The following CECR2 variants were observed in gnomAD, a reference collection of about 807,000 sequenced individuals.
CECR2 encodes CECR2 histone acetyl-lysine reader, also known as chromatin remodeling regulator CECR2.
In CECR2, 30 loss-of-function variants were observed where a neutral mutation model predicts 154.5. That is an observed-to-expected ratio of 0.19 (90% CI 0.15 to 0.26). CECR2 has a LOEUF of 0.26. Among genes scored for constraint, CECR2 ranks in the 10% least tolerant of loss-of-function variants. The pLI is 1.00. For missense variants in CECR2, 1,743 were observed against 1,829.3 expected, an observed-to-expected ratio of 0.95 and a Z score of 0.86; for synonymous variants, 725 against 683.7, an observed-to-expected ratio of 1.06 and a Z score of -0.94.
At chr22:17,430,139 C>T (rs926393134) in intron 1 of CECR2, among the ~76,000 whole-genome samples, 8 of 152,142 alleles carry the variant, frequency 5.3e-5, no homozygotes, top group African/African-American at 1.9e-4. Context: ...ATCCTGTATT[C>T]AGTGATGTCT....
At chr22:17,532,700 C>CTTTTTTTTTTATTTTTTTTTTT (rs2056375883) in intron 9 of CECR2, among the ~76,000 whole-genome samples, 1 of 35,770 alleles carries the variant, frequency 2.8e-5, no homozygotes, top group Non-Finnish European at 4.7e-5. Flanking sequence ...CATTATTATT[C>CTTTTTTTTTTATTTTTTTTTTT]TTTTTTTTTT....
intron 1 of CECR2, chr22:17,418,746 C>T: frequency 2.2e-6 from 1 of 444,530 alleles, no homozygotes; most frequent in Non-Finnish European, 3.4e-6. Flanking sequence ...CCCATCCATT[C>T]CTCGACTCTG....
chr22:17,546,025 C>A (rs2056608250), intron 16 of CECR2, among the ~76,000 whole-genome samples: 1 of 151,948 alleles, frequency 6.6e-6, no homozygotes, highest in African/African-American at 2.4e-5. Flanking sequence ...ACACTCCAGC[C>A]TGGGCGACAG....
At chr22:17,481,342 CAAAAAAAAAA>C (rs10714119) in intron 2 of CECR2, among the ~76,000 whole-genome samples, 1 of 73,778 alleles carries the variant, frequency 1.4e-5, no homozygotes, top group South Asian at 4.6e-4. Context: ...GACTCTGTCT[CAAAAAAAAAA>C]AAAAAAAAAA....
At chr22:17,373,202 A>G (rs1161013388) in intron 1 of CECR2, among the ~76,000 whole-genome samples, 1 of 152,180 alleles carries the variant, frequency 6.6e-6, no homozygotes, top group Non-Finnish European at 1.5e-5. Flanking sequence ...AGCTGGGACT[A>G]CAGGCATGTA....
chr22:17,542,115 A>G (rs1433488733), intron 15 of CECR2, 42 bp from the exon 16 acceptor site: 9 of 1,590,478 alleles, frequency 5.7e-6, no homozygotes, highest in South Asian at 4.5e-5. Context: ...AGTGTGCCTT[A>G]TTCTGTGAGT....
intron 1 of CECR2, among the ~76,000 whole-genome samples, chr22:17,392,807 C>T (rs1482431089): frequency 4.6e-5 from 7 of 152,054 alleles, no homozygotes; most frequent in East Asian, 1.9e-4. Context: ...TTTGGGAGGC[C>T]GAGGTGGGCA....
intron 2 of CECR2, among the ~76,000 whole-genome samples, chr22:17,481,999 C>A (rs1306017571): frequency 6.6e-6 from 1 of 150,428 alleles, no homozygotes; most frequent in Non-Finnish European, 1.5e-5. Flanking sequence ...CCTGTAGTCC[C>A]AGCTACTCGG....
upstream of CECR2, among the ~76,000 whole-genome samples, chr22:17,368,497 AT>A (rs145524017): frequency 0.032 from 4,827 of 151,882 alleles, 256 homozygotes; most frequent in African/African-American, 0.11. Context: ...TTCTGGGGTG[AT>A]TTTTTTTCTT....
chr22:17,361,128 T>C (rs1300129017), intron 1 of CECR2, among the ~76,000 whole-genome samples: 1 of 150,962 alleles, frequency 6.6e-6, no homozygotes, highest in Non-Finnish European at 1.5e-5. Flanking sequence ...GTGCCCCTGC[T>C]CTCCAGCCTC....
At chr22:17,376,962 A>G (rs1366299148) in intron 1 of CECR2, among the ~76,000 whole-genome samples, 1 of 152,150 alleles carries the variant, frequency 6.6e-6, no homozygotes, top group Non-Finnish European at 1.5e-5. Context: ...AAAGGCAGCA[A>G]TCAGAAAGCT....
chr22:17,466,830 G>C (rs949994290), intron 1 of CECR2, among the ~76,000 whole-genome samples: 1 of 152,158 alleles, frequency 6.6e-6, no homozygotes, highest in Non-Finnish European at 1.5e-5. Flanking sequence ...CTGACCTTGT[G>C]ATCCTCCCGC....
chr22:17,504,571 G>A (rs1344748987), intron 6 of CECR2, among the ~76,000 whole-genome samples: 3 of 151,816 alleles, frequency 2.0e-5, no homozygotes, highest in Non-Finnish European at 4.4e-5. Context: ...CGAGTAGCTA[G>A]GATCACAGGC....
At chr22:17,509,744 G>A (rs1011768568) in intron 7 of CECR2, among the ~76,000 whole-genome samples, 5 of 152,048 alleles carry the variant, frequency 3.3e-5, no homozygotes, top group East Asian at 1.9e-4. Context: ...GACACTACTC[G>A]GTCCTCTCCC....
At chr22:17,552,790 C>G in intron 18 of CECR2, 45 bp from the exon 19 acceptor site, 1 of 658,590 alleles carries the variant, frequency 1.5e-6, no homozygotes, top group South Asian at 2.4e-5. Flanking sequence ...TTTTTTTTAA[C>G]AACCCAATTT....
chr22:17,486,981 C>T (rs2146831880), intron 2 of CECR2, among the ~76,000 whole-genome samples: 1 of 152,266 alleles, frequency 6.6e-6, no homozygotes, highest in South Asian at 2.1e-4. Context: ...ATGCTGCACG[C>T]TGCTGGTCCA....
At chr22:17,495,639 G>C (rs2055611078) in intron 2 of CECR2, among the ~76,000 whole-genome samples, 1 of 151,024 alleles carries the variant, frequency 6.6e-6, no homozygotes, top group Admixed American at 6.6e-5. Context: ...GAGGCGGGTG[G>C]ATCATGAGGT....
At chr22:17,447,033 C>CTGGTTTTTTTTTTTTTT (rs1339121774) in intron 1 of CECR2, among the ~76,000 whole-genome samples, 4 of 114,108 alleles carry the variant, frequency 3.5e-5, no homozygotes, top group Admixed American at 1.9e-4. Context: ...CGTTTACAAT[C>CTGGTTTTTTTTTTTTTT]TTTTTTTTTT....
intron 1 of CECR2, among the ~76,000 whole-genome samples, chr22:17,470,307 G>A (rs1344347576): frequency 2.0e-5 from 3 of 150,276 alleles, no homozygotes; most frequent in African/African-American, 7.4e-5. Flanking sequence ...GCATGGTGGT[G>A]CACGACTGTA....
Sources: allele counts gnomAD v4.1 joint callset (sites outside exome capture counted in the v4.1 genomes callset), GRCh38; gene constraint gnomAD v4.1.1; transcripts MANE v1.5; gene names NCBI Gene and HGNC (gene_info 2026-07-23, HGNC 2026-07-21).